Variants in FHIT observed in about 807,000 individuals in gnomAD.
FHIT encodes the protein bis(5'-adenosyl)-triphosphatase.
FHIT carries 19 observed loss-of-function variants against 17.9 expected under a neutral mutation model. The observed-to-expected ratio is 1.06, with a 90% CI of 0.74 to 1.56. The LOEUF is 1.56. Ranked by LOEUF, FHIT falls within the 40% of genes most tolerant of loss-of-function variation. The pLI, the probability that FHIT is intolerant of heterozygous loss-of-function variation, is 0.00. For missense variants in FHIT, 248 were observed against 189.2 expected (o/e 1.31, Z -1.82); for synonymous variants, 81 against 69.7 (o/e 1.16, Z -0.81).
chr3:61,216,891 A>G (rs1050590955), intron 1 of FHIT, among the ~76,000 whole-genome samples: 2 of 151,914 alleles, frequency 1.3e-5, no homozygotes, highest in African/African-American at 4.8e-5. Context: ...AACTATCGCA[A>G]GGACAAAAAA....
At chr3:61,114,462 C>T (rs1437597417) in intron 2 of FHIT, among the ~76,000 whole-genome samples, 1 of 152,158 alleles carries the variant, frequency 6.6e-6, no homozygotes, top group Non-Finnish European at 1.5e-5. Context: ...GTAGGGCCTC[C>T]ACCAAGTTAT....
At chr3:60,015,341 T>C (rs1700302883) in intron 5 of FHIT, among the ~76,000 whole-genome samples, 1 of 152,060 alleles carries the variant, frequency 6.6e-6, no homozygotes, top group Non-Finnish European at 1.5e-5. Flanking sequence ...AATCAGGAAA[T>C]TCATGTCAAT....
chr3:61,090,006 T>C (rs1320785430), intron 2 of FHIT, among the ~76,000 whole-genome samples: 1 of 152,230 alleles, frequency 6.6e-6, no homozygotes. Context: ...CGCATGCCAA[T>C]ACATGATGAA....
At chr3:61,210,218 T>A (rs928541173) in intron 1 of FHIT, among the ~76,000 whole-genome samples, 1 of 152,186 alleles carries the variant, frequency 6.6e-6, no homozygotes, top group Non-Finnish European at 1.5e-5. Context: ...ACGCCCCTAG[T>A]GCGGGGTACC....
chr3:60,701,474 G>T (rs1305474183), intron 4 of FHIT, among the ~76,000 whole-genome samples: 1 of 152,106 alleles, frequency 6.6e-6, no homozygotes, highest in Non-Finnish European at 1.5e-5. Context: ...GTGGATAGGG[G>T]GTCGGAAAGG....
intron 4 of FHIT, among the ~76,000 whole-genome samples, chr3:60,740,347 C>G (rs1318350411): frequency 6.6e-6 from 1 of 152,142 alleles, no homozygotes; most frequent in Admixed American, 6.5e-5. Flanking sequence ...CCCTTCAATC[C>G]TCAAATCCTT....
intron 5 of FHIT, among the ~76,000 whole-genome samples, chr3:60,270,037 A>G (rs543592199): frequency 2.0e-5 from 3 of 152,296 alleles, no homozygotes; most frequent in African/African-American, 7.2e-5. Context: ...AAGGGGGTGT[A>G]TCTGACTCTA....
chr3:60,903,484 T>G (rs1575666849), intron 3 of FHIT, among the ~76,000 whole-genome samples: 1 of 152,228 alleles, frequency 6.6e-6, no homozygotes, highest in African/African-American at 2.4e-5. Flanking sequence ...CTGAAACTAG[T>G]GCACACTTCT....
At chr3:60,623,111 G>A (rs540337903) in intron 4 of FHIT, among the ~76,000 whole-genome samples, 14 of 152,280 alleles carry the variant, frequency 9.2e-5, no homozygotes, top group Non-Finnish European at 1.6e-4. Flanking sequence ...TGCCTAGTGC[G>A]GGACCTGGCA....
chr3:60,412,907 A>G (rs929392364), intron 5 of FHIT, among the ~76,000 whole-genome samples: 3 of 152,102 alleles, frequency 2.0e-5, no homozygotes, highest in Admixed American at 2.0e-4. Flanking sequence ...TCCTGTTTGC[A>G]CATGCTTTCT....
chr3:60,455,523 G>A (rs562540864), intron 5 of FHIT, among the ~76,000 whole-genome samples: 1 of 152,142 alleles, frequency 6.6e-6, no homozygotes, highest in East Asian at 1.9e-4. Flanking sequence ...ATAATGTTTT[G>A]TTGAGCACAG....
intron 4 of FHIT, among the ~76,000 whole-genome samples, chr3:60,772,588 C>T (rs1700082011): frequency 6.6e-6 from 1 of 152,070 alleles, no homozygotes; most frequent in Admixed American, 6.6e-5. Flanking sequence ...ATTTACTTTA[C>T]AGTTTAAATG....
At chr3:60,581,606 C>G (rs781954169) in intron 4 of FHIT, among the ~76,000 whole-genome samples, 2 of 151,952 alleles carry the variant, frequency 1.3e-5, no homozygotes, top group African/African-American at 2.4e-5. Flanking sequence ...GAACTAAACA[C>G]AAAGAACAGT....
At chr3:60,466,823 G>GTTTT (rs34184253) in intron 5 of FHIT, among the ~76,000 whole-genome samples, 2 of 135,426 alleles carry the variant, frequency 1.5e-5, no homozygotes, top group Non-Finnish European at 1.6e-5. Context: ...CTTGCCTGCA[G>GTTTT]TTTTTTTTTT....
At chr3:59,846,647 A>G (rs531695548) in intron 8 of FHIT, among the ~76,000 whole-genome samples, 2 of 152,280 alleles carry the variant, frequency 1.3e-5, no homozygotes, top group Non-Finnish European at 2.9e-5. Flanking sequence ...TCTACTTACA[A>G]ATATATTTAC....
chr3:60,441,449 A>T (rs1256524741), intron 5 of FHIT, among the ~76,000 whole-genome samples: 1 of 150,846 alleles, frequency 6.6e-6, no homozygotes, highest in African/African-American at 2.4e-5. Flanking sequence ...TGAAGAAAAC[A>T]ACAAAATCTT....
chr3:59,986,988 T>G (rs1709002074), intron 7 of FHIT, among the ~76,000 whole-genome samples: 2 of 127,574 alleles, frequency 1.6e-5, no homozygotes, highest in South Asian at 4.6e-4. Flanking sequence ...GAAAAATATT[T>G]TATATTTTAT....
intron 2 of FHIT, among the ~76,000 whole-genome samples, chr3:61,193,235 T>C (rs865804102): frequency 1.2e-4 from 18 of 152,314 alleles, no homozygotes; most frequent in Middle Eastern, 3.4e-3. Flanking sequence ...ACAGTAAGGA[T>C]TGGGCTTTCC....
chr3:60,566,011 T>G (rs950058685), intron 4 of FHIT, among the ~76,000 whole-genome samples: 4 of 152,112 alleles, frequency 2.6e-5, no homozygotes, highest in Non-Finnish European at 4.4e-5. Context: ...CCTTCATTTT[T>G]TTATGTACCC....
Sources: allele counts gnomAD v4.1 joint callset (sites outside exome capture counted in the v4.1 genomes callset), GRCh38; gene constraint gnomAD v4.1.1; transcripts MANE v1.5; gene names NCBI Gene and HGNC (gene_info 2026-07-23, HGNC 2026-07-21).